The following POLA1 variants were observed in gnomAD, a reference collection of about 807,000 sequenced individuals.
POLA1 encodes DNA polymerase alpha 1, catalytic subunit.
In POLA1, 15 loss-of-function variants were observed where a neutral mutation model predicts 124.0. That is an observed-to-expected ratio of 0.12 (90% confidence interval 0.08 to 0.19). The LOEUF (loss-of-function observed/expected upper bound fraction) is 0.19. POLA1 is among the 10% of genes least tolerant of loss of function. The pLI is 1.00. For synonymous variants in POLA1, 408 were observed against 389.4 expected, an observed-to-expected ratio of 1.05 and a Z score of -0.56; for missense variants, 886 against 1,103.4, an observed-to-expected ratio of 0.80 and a Z score of 2.79.
intron 2 of POLA1, 129 bp downstream of exon 2, chrX:24,699,678 T>G: frequency 2.1e-6 from 1 of 467,861 alleles, no homozygotes; most frequent in Non-Finnish European, 3.3e-6. Flanking sequence ...AATGGGAATT[T>G]ATTAGTATTG....
At chrX:24,752,974 ATTTG>A (rs1007030803) in intron 26 of POLA1, among the ~76,000 whole-genome samples, 2 of 110,784 alleles carry the variant, frequency 1.8e-5, no homozygotes, top group African/African-American at 6.6e-5. Context: ...GCCTTTTTGA[ATTTG>A]TTTTTTTATT....
At chrX:24,955,229 GCACTGCT>G (rs781677111) in intron 36 of POLA1, among the ~76,000 whole-genome samples, 1 of 106,963 alleles carries the variant, frequency 9.3e-6, no homozygotes, top group South Asian at 4.3e-4. Context: ...AGTGGCGCAA[GCACTGCT>G]CACTGCAGCT....
intron 36 of POLA1, among the ~76,000 whole-genome samples, chrX:24,945,149 G>A (rs1206183957): frequency 8.9e-6 from 1 of 112,579 alleles, no homozygotes; most frequent in Non-Finnish European, 1.9e-5. Flanking sequence ...ATGGAAATAG[G>A]CTAATATGTA....
chrX:24,978,600 C>T (rs147783092), intron 36 of POLA1, among the ~76,000 whole-genome samples: 1,315 of 111,906 alleles, frequency 0.012, 22 homozygotes, highest in African/African-American at 0.04. Flanking sequence ...CACAACTACC[C>T]TATGAAGTAG....
At chrX:24,713,399 C>T (rs1251755218) in intron 4 of POLA1, among the ~76,000 whole-genome samples, 1 of 111,615 alleles carries the variant, frequency 9.0e-6, no homozygotes, top group Admixed American at 9.5e-5. Context: ...TAAGAGAAAA[C>T]ATATGGCAAA....
chrX:24,738,388 A>G (rs1032769988), intron 19 of POLA1, among the ~76,000 whole-genome samples: 1 of 111,618 alleles, frequency 9.0e-6, no homozygotes, highest in Non-Finnish European at 1.9e-5. Context: ...GTTGAGTGCT[A>G]TCATTTAGGA....
intron 34 of POLA1, among the ~76,000 whole-genome samples, chrX:24,884,589 A>T (rs2147133436): frequency 8.9e-6 from 1 of 112,565 alleles, no homozygotes; most frequent in South Asian, 3.7e-4. Context: ...TAATATGATT[A>T]GGGCCTATTT....
At chrX:24,913,176 C>G (rs948619423) in intron 35 of POLA1, among the ~76,000 whole-genome samples, 1 of 112,366 alleles carries the variant, frequency 8.9e-6, no homozygotes, top group Non-Finnish European at 1.9e-5. Context: ...GAAGGTACTA[C>G]TGATACACCC....
chrX:24,858,630 C>A (rs2046677826), intron 34 of POLA1, among the ~76,000 whole-genome samples: 1 of 112,400 alleles, frequency 8.9e-6, no homozygotes, highest in Admixed American at 9.4e-5. Flanking sequence ...GATTCTGCAA[C>A]TTCTTCAGCA....
chrX:24,740,327 C>G (rs775596463), intron 20 of POLA1, among the ~76,000 whole-genome samples: 1 of 111,688 alleles, frequency 9.0e-6, no homozygotes, highest in Non-Finnish European at 1.9e-5. Context: ...TCAGTTCTAT[C>G]TTCTAAATAG....
intron 36 of POLA1, among the ~76,000 whole-genome samples, chrX:24,973,706 C>T (rs763730077): frequency 1.8e-5 from 2 of 112,059 alleles, no homozygotes; most frequent in East Asian, 5.7e-4. Context: ...CATAATCCCT[C>T]CCCTCCCACC....
At chrX:24,787,967 T>A (rs1321776541) in intron 26 of POLA1, among the ~76,000 whole-genome samples, 1 of 111,971 alleles carries the variant, frequency 8.9e-6, no homozygotes, top group Non-Finnish European at 1.9e-5. Flanking sequence ...CCCAATAAAA[T>A]ACTACTAGCA....
intron 36 of POLA1, among the ~76,000 whole-genome samples, chrX:24,938,136 G>A (rs937368523): frequency 2.7e-5 from 3 of 112,448 alleles, no homozygotes; most frequent in South Asian, 3.7e-4. Flanking sequence ...AACTAAGGCC[G>A]GGCACAGTGG....
chrX:24,717,391 G>A lies in POLA1; in HGVS notation c.808G>A (p.Asp270Asn). The change falls in exon 9 of 37, where the codon GAC (aspartate) becomes AAC (asparagine). Residue 270 changes from aspartate (D) to asparagine (N), a missense_variant. By Grantham distance (23) the Asp-to-Asn change is conservative (BLOSUM62 1). This residue lies in a region of POLA1 where 337 missense variants were observed against 402.8 expected (regional missense o/e 0.84). Coordinates refer to ENST00000379068, the MANE Select transcript of POLA1 (RefSeq NM_001330360.2). The part of the protein sequence containing the change: ...FDEPMEVEEV[D>N]LEPMAAKAWD... ...TGAGCCCATGGAAGTTGAAGAGGTG[G>A]ACCTGGAGCCTATGGCTGCCAAGGC... 8.3e-7 allele frequency: 1 copy of A among 1,210,146 alleles called. No homozygotes were observed. The highest frequency in any genetic ancestry group is 1.1e-6 in the Non-Finnish European group (1 of 894,085).
chrX:24,938,888 T>A (rs2047882926), intron 36 of POLA1, among the ~76,000 whole-genome samples: 1 of 112,679 alleles, frequency 8.9e-6, no homozygotes, highest in Admixed American at 9.4e-5. Context: ...GCTCTGTACA[T>A]TTTCTGCCAT....
intron 1 of POLA1, among the ~76,000 whole-genome samples, chrX:24,698,353 G>C (rs1459777701): frequency 1.8e-5 from 2 of 111,932 alleles, no homozygotes; most frequent in Middle Eastern, 4.2e-3. Context: ...AGTAATTTTT[G>C]ACAAACCATT....
At chrX:24,859,259 T>C (rs746801730) in intron 34 of POLA1, among the ~76,000 whole-genome samples, 1 of 111,911 alleles carries the variant, frequency 8.9e-6, no homozygotes, top group East Asian at 2.8e-4. Flanking sequence ...GTTGTTCATT[T>C]CTTACCGATT....
intron 12 of POLA1, 98 bp from the exon 13 acceptor site, chrX:24,725,883 A>G (rs1003672294): frequency 3.6e-6 from 2 of 552,559 alleles, no homozygotes; most frequent in Admixed American, 7.0e-5. Flanking sequence ...GTGTTCCATA[A>G]GGATTCTTGA....
At chrX:24,833,920 AC>A (rs2046303702) in intron 32 of POLA1, among the ~76,000 whole-genome samples, 1 of 110,903 alleles carries the variant, frequency 9.0e-6, no homozygotes, top group Non-Finnish European at 1.9e-5. Context: ...CCCCATCTCT[AC>A]AAAAAATACC....
Sources: gnomAD v4.1 joint callset for allele counts (sites outside exome capture counted in the v4.1 genomes callset) on GRCh38, gnomAD v4.1.1 for gene constraint, gnomAD v4.1.1 regional missense constraint, MANE v1.5 for transcripts, NCBI Gene and HGNC (gene_info 2026-07-23, HGNC 2026-07-21) for gene names.